The following SEZ6L2 variants were observed in gnomAD, a reference collection of about 807,000 sequenced individuals.
The protein encoded by SEZ6L2 is seizure related 6 homolog like 2.
SEZ6L2 carries 44 observed loss-of-function variants against 97.0 expected under a neutral mutation model. The ratio of observed to expected loss-of-function variants is 0.45; its 90% CI spans 0.36 to 0.58. The LOEUF (loss-of-function observed/expected upper bound fraction) is 0.58, where lower values mean the gene tolerates loss of function less well. Among genes scored for constraint, SEZ6L2 ranks in the 20% least tolerant of loss-of-function variants. The pLI is 0.00. For synonymous variants in SEZ6L2, 543 were observed against 546.1 expected (o/e 0.99, Z 0.08); for missense variants, 1,086 against 1,233.3 (o/e 0.88, Z 1.79).
Position 29,895,800 on chromosome 16 carries a change from C to T in SEZ6L2, c.572G>A (p.Ser191Asn). The T allele has an allele frequency of 1.2e-6, 2 of 1,614,088 alleles. No homozygotes were observed. Among genetic ancestry groups the T allele is most frequent in the African/African-American group, 2.7e-5 (2 of 75,036 alleles). Reference sequence around the variant, plus strand: ...GAGCCCCAGGGTGCGGCTGACGGGGCTCCCCAGATCTGGAGACTCCACATA... The same window carrying T: ...GAGCCCCAGGGTGCGGCTGACGGGGTTCCCCAGATCTGGAGACTCCACATA... ...EGYVESPDLG[S>N]PVSRTLGLLD... Residue 191 changes from serine (S) to asparagine (N), a missense_variant, in exon 4 of 18, where the codon AGC becomes AAC. Transcript: ENST00000617533.
chr16:29,877,958 C>A (rs2067946155), intron 10 of SEZ6L2, among the ~76,000 whole-genome samples: 1 of 152,252 alleles, frequency 6.6e-6, no homozygotes, highest in Non-Finnish European at 1.5e-5. Flanking sequence ...GTTAACGCAA[C>A]AGTTTGGGTC....
intron 2 of SEZ6L2, among the ~76,000 whole-genome samples, chr16:29,897,547 C>T (rs951642341): frequency 9.9e-5 from 15 of 152,126 alleles, no homozygotes; most frequent in Non-Finnish European, 2.2e-4. Flanking sequence ...GTTTCATTCT[C>T]TCTGTCTCTG....
Position 29,878,328 on chromosome 16 carries a change from C to T in SEZ6L2, c.1671G>A (p.Val557=). 6.3e-7 allele frequency: 1 copy of T among 1,599,596 alleles called. No homozygotes were observed. Among genetic ancestry groups the T allele is most frequent in the African/African-American group, 1.3e-5 (1 of 74,738 alleles). Residue 557 remains valine, a synonymous_variant, in exon 10 of 18, where the codon GTG becomes GTA. Transcript: ENST00000617533. Reference sequence around the variant, plus strand: ...AGATGCGCTTCTCTTCCTGGACGTGCACGCCCCACACGCAGTCTTGGCCCG... The same window carrying T: ...AGATGCGCTTCTCTTCCTGGACGTGTACGCCCCACACGCAGTCTTGGCCCG... ...YSPGQDCVWG[V]HVQEEKRILL... is the part of the protein sequence containing the mutation.
At chr16:29,888,450 C>T in intron 6 of SEZ6L2, 90 bp downstream of exon 6, 1 of 1,419,326 alleles carries the variant, frequency 7.0e-7, no homozygotes, top group Non-Finnish European at 9.7e-7. Context: ...GGGTTTTCCC[C>T]AAAGGTGGAC....
chr16:29,871,377 G>A lies in SEZ6L2; in HGVS notation c.*322C>T, dbSNP rs1485989747. The A allele has an allele frequency of 8.5e-6, 4 of 471,704 alleles. No individual in the cohort carries two copies. The highest frequency in any genetic ancestry group is 3.9e-6 in the Non-Finnish European group (1 of 256,530). 29.2% of individuals were successfully genotyped at this position (471,704 alleles called of 1,614,324 possible). ...CAAGGGAACAGTAGAGCTATCGGGG[G>A]CAGTCCTTGAGGGGTGCCCTGGGCA... On this transcript the variant is annotated 3_prime_UTR_variant, in exon 18 of 18. Coordinates refer to ENST00000617533, the MANE Select transcript of SEZ6L2 (RefSeq NM_001243332.2).
chr16:29,877,176 C>T, intron 11 of SEZ6L2, 95 bp downstream of exon 11: 1 of 1,361,468 alleles, frequency 7.3e-7, no homozygotes, highest in Non-Finnish European at 9.9e-7. Context: ...TCCCAAGGCC[C>T]CGGGATAACA....
rs911644049 is a variant in SEZ6L2, at chr16:29,885,981, T to A, written c.1209-232A>T. 17 of 400,192 alleles carry A rather than the reference T, an allele frequency of 4.2e-5. No individual in the cohort carries two copies. The Middle Eastern group carries it at 1.9e-3, about 46-fold the overall frequency. The allele number at this position is 400,192 out of a possible 1,614,324, so 24.8% of individuals were successfully genotyped here. On this transcript the variant is annotated intron_variant, in intron 7 of 17. Transcript: ENST00000617533. ...ATGAGGATATTAGGGCATAGAAAGA[T>A]CAAGTAACCTGTCCAAGGTCACAGA...
intron 11 of SEZ6L2, 116 bp from the exon 12 acceptor site, chr16:29,877,066 G>A: frequency 8.5e-7 from 1 of 1,174,994 alleles, no homozygotes; most frequent in Non-Finnish European, 1.2e-6. Context: ...CTCTCTCTTA[G>A]AGACAGGGTT....
intron 8 of SEZ6L2, among the ~76,000 whole-genome samples, chr16:29,881,889 C>T (rs1008492375): frequency 6.7e-6 from 1 of 149,784 alleles, no homozygotes; most frequent in African/African-American, 2.5e-5. Context: ...CTCAGCCTCC[C>T]AAAGTGCTGG....
In SEZ6L2 at chr16:29,887,744, C is replaced by A; in HGVS notation, c.1113G>T (p.Gly371=). Residue 371 remains glycine (G), a synonymous_variant, in exon 7 of 18, where the codon GGG becomes GGT. Transcript: ENST00000617533. Reference sequence around the variant, plus strand: ...TGACCCAACGGCAGGTGAGGTTGGGCCCTACGGCTCCCCCAGGCTCTGGGG... The same window carrying A: ...TGACCCAACGGCAGGTGAGGTTGGGACCTACGGCTCCCCCAGGCTCTGGGG... ...IVSPEPGGAV[G]PNLTCRWVIE... The A allele has an allele frequency of 6.2e-7, 1 of 1,613,444 alleles. No homozygotes were observed. Among genetic ancestry groups the A allele is most frequent in the Non-Finnish European group, 8.5e-7 (1 of 1,179,708 alleles).
intron 7 of SEZ6L2, among the ~76,000 whole-genome samples, 179 bp downstream of exon 7, chr16:29,887,467 ATTT>A (rs397855963): frequency 2.3e-5 from 3 of 130,488 alleles, no homozygotes; most frequent in African/African-American, 5.8e-5. Context: ...TGCCCGGCTA[ATTT>A]TTTTTTTTTT....
At chr16:29,878,494 A>G in intron 9 of SEZ6L2, 69 bp from the exon 10 acceptor site, 2 of 1,445,928 alleles carry the variant, frequency 1.4e-6, no homozygotes, top group Non-Finnish European at 1.9e-6. Flanking sequence ...CACAGTCCTC[A>G]CCACTCGTGA....
chr16:29,872,708 C>G lies in SEZ6L2; in HGVS notation c.2524G>C (p.Glu842Gln), dbSNP rs749663022. ...CTCCACCTGTGCTCTCACTGACCTTCCAGTTTTCGGTTGTCCAGGAGCTCC... is the reference window on the plus strand; with the variant it reads ...CTCCACCTGTGCTCTCACTGACCTTGCAGTTTTCGGTTGTCCAGGAGCTCC... ...YEELLDNRKL[E>Q]VTQTTDPSRQ... The change falls in exon 15 of 18, where the codon GAA becomes CAA. Residue 842 changes from glutamate to glutamine, a missense_variant. Around this residue, in one of 2 missense-constraint regions of SEZ6L2, gnomAD observed 310 missense variants for 438.6 expected, o/e 0.71. Coordinates refer to ENST00000617533, the MANE Select transcript of SEZ6L2 (RefSeq NM_001243332.2). 3.7e-6 allele frequency: 6 copies of G among 1,613,372 alleles called. No homozygotes were observed. The highest frequency in any genetic ancestry group is 5.1e-6 in the Non-Finnish European group (6 of 1,179,830).
At chr16:29,898,861 C>T (rs1237471531) in intron 1 of SEZ6L2, 80 bp downstream of exon 1, 2 of 1,119,026 alleles carry the variant, frequency 1.8e-6, no homozygotes, top group Non-Finnish European at 2.6e-6. Context: ...TCGGAAGACC[C>T]AGGATATTAA....
At chr16:29,896,526 G>A (rs564729089) in intron 3 of SEZ6L2, among the ~76,000 whole-genome samples, 2 of 152,110 alleles carry the variant, frequency 1.3e-5, no homozygotes, top group East Asian at 3.9e-4. Context: ...TGATCTGCCC[G>A]CCTGGCCTCC....
chr16:29,881,929 CTTT>C (rs71143761), intron 8 of SEZ6L2, among the ~76,000 whole-genome samples: 1 of 110,144 alleles, frequency 9.1e-6, no homozygotes, highest in Non-Finnish European at 2.0e-5. Flanking sequence ...CATACCCGGC[CTTT>C]TTTTTTTTTT....
chr16:29,871,702 G>T lies in SEZ6L2; in HGVS notation c.2769C>A (p.Ile923=), dbSNP rs1567407772. 1 of 1,609,414 alleles carries T rather than the reference G, an allele frequency of 6.2e-7. No individual in the cohort carries two copies. Among genetic ancestry groups the T allele is most frequent in the Non-Finnish European group, 8.5e-7 (1 of 1,177,836 alleles). ...CCTGCAGCTGTAGTCTTGGGGTTCA[G>T]ATGGAAACTTCATACTCCCGCGTAT... ...AGDTREYEVS[I] Residue 923 remains isoleucine (I), a synonymous_variant, in exon 18 of 18, where the codon ATC becomes ATA. Coordinates refer to ENST00000617533, the MANE Select transcript of SEZ6L2 (RefSeq NM_001243332.2).
intron 12 of SEZ6L2, among the ~76,000 whole-genome samples, chr16:29,874,550 GTTTTTTTTTTTTTTTT>G (rs541095994): frequency 0.013 from 424 of 32,524 alleles, 1 homozygote; most frequent in Non-Finnish European, 0.023. Flanking sequence ...GTGTGTGCTT[GTTTTTTTTTTTTTTTT>G]TTTTTTTTTT....
chr16:29,888,818 C>T (rs2068205548), intron 5 of SEZ6L2, 93 bp from the exon 6 acceptor site: 1 of 1,184,516 alleles, frequency 8.4e-7, no homozygotes, highest in African/African-American at 1.5e-5. Flanking sequence ...CCTTTCAGGC[C>T]AACCTTCCAG....
Sources: allele counts gnomAD v4.1 joint callset (sites outside exome capture counted in the v4.1 genomes callset), GRCh38; gene constraint gnomAD v4.1.1; regional missense constraint gnomAD v4.1.1; transcripts MANE v1.5; gene names NCBI Gene and HGNC (gene_info 2026-07-23, HGNC 2026-07-21).